The following ETNK1 variants were observed in gnomAD, a reference collection of about 807,000 sequenced individuals.
The protein encoded by ETNK1 is ethanolamine kinase 1, also known as putative protein product of Nbla10396.
Under a neutral mutation model 45.1 loss-of-function variants are expected in ETNK1, and 8 were observed. That is an observed-to-expected ratio of 0.18 (90% confidence interval 0.10 to 0.32). ETNK1 has a LOEUF of 0.32. Ranked by LOEUF, ETNK1 falls within the 10% of genes least tolerant of loss-of-function variation. ETNK1 has a pLI of 1.00. For synonymous variants in ETNK1, 152 were observed against 151.9 expected (o/e 1.00, Z -0.01); for missense variants, 302 against 430.6 (o/e 0.70, Z 2.64).
chr12:22,687,020 C>T lies in ETNK1; in HGVS notation c.*2066C>T, dbSNP rs940393100. On this transcript the variant is annotated 3_prime_UTR_variant, in exon 8 of 8. Transcript: ENST00000266517. ...ACTGAGCCATTGCTGATAGACTGTGCATAGCTACTAGCTGTCACACTATTG... is the reference window on the plus strand; with the variant it reads ...ACTGAGCCATTGCTGATAGACTGTGTATAGCTACTAGCTGTCACACTATTG... The T allele has an allele frequency of 6.6e-6, 1 of 151,614 alleles. No homozygotes were observed. Among genetic ancestry groups the T allele is most frequent in the Non-Finnish European group, 1.5e-5 (1 of 67,712 alleles). The allele number at this position is 151,614 out of a possible 1,614,324, so 9.4% of individuals were successfully genotyped here. A position where few individuals can be genotyped will look rare whatever the true frequency, so the allele number is the denominator to read the frequency against.
chr12:22,645,913 A>G (rs952739136), intron 2 of ETNK1, among the ~76,000 whole-genome samples: 4 of 151,822 alleles, frequency 2.6e-5, no homozygotes. Flanking sequence ...TAATGTAGGC[A>G]TATACACATT....
rs149472730 is a variant in ETNK1, at chr12:22,633,547, A to G, written c.156+7961A>G. Among the ~76,000 whole-genome samples, 350 of 152,348 alleles carry G rather than the reference A, an allele frequency of 2.3e-3. 1 individual carries two copies. Among genetic ancestry groups the G allele is most frequent in the Non-Finnish European group, 4.1e-3 (281 of 68,034 alleles). On this transcript the variant is annotated intron_variant, in intron 1 of 7. Transcript: ENST00000266517. ...ACTATTCTTGACTTTTTAAGTTGCC[A>G]TATAAGTTGTAGACTCAATTTTGGG...
Position 22,675,036 on chromosome 12 carries a change from C to A in ETNK1, c.945+1376C>A, listed in dbSNP as rs1348458545. Among the ~76,000 whole-genome samples, 3 of 152,116 alleles carry A rather than the reference C, an allele frequency of 2.0e-5. No homozygotes were observed. In the East Asian group the frequency reaches 5.8e-4, roughly 29 times the overall value. On this transcript the variant is annotated intron_variant, in intron 6 of 7. Coordinates refer to ENST00000266517, the MANE Select transcript of ETNK1 (RefSeq NM_018638.5). ...TCTTTTGGTGGTAAAAGTTAACACT[C>A]ATTTCTTTTGAAATTGATTTTATTT... is the stretch of plus-strand genomic sequence containing the variant.
At chr12:22,638,057 A>AT (rs943877358) in intron 1 of ETNK1, among the ~76,000 whole-genome samples, 2 of 152,120 alleles carry the variant, frequency 1.3e-5, no homozygotes, top group African/African-American at 4.8e-5. Context: ...ATTACAAAAA[A>AT]AAAGCATATG....
At chr12:22,679,266 G>A (rs1477913233) in intron 6 of ETNK1, among the ~76,000 whole-genome samples, 3 of 152,182 alleles carry the variant, frequency 2.0e-5, no homozygotes, top group African/African-American at 7.2e-5. Flanking sequence ...CAAACCACTG[G>A]CGTTTAAGTC....
At chr12:22,639,476 A>C (rs1953705251) in intron 1 of ETNK1, among the ~76,000 whole-genome samples, 1 of 152,204 alleles carries the variant, frequency 6.6e-6, no homozygotes, top group South Asian at 2.1e-4. Context: ...CAGGAGCTCT[A>C]GACCAGCCTG....
chr12:22,652,840 A>C (rs900999164), intron 2 of ETNK1, among the ~76,000 whole-genome samples: 1 of 151,908 alleles, frequency 6.6e-6, no homozygotes, highest in African/African-American at 2.4e-5. Context: ...TTTAATTTTG[A>C]TGCGGTAGAG....
intron 1 of ETNK1, among the ~76,000 whole-genome samples, chr12:22,631,331 C>A (rs368380441): frequency 6.6e-6 from 1 of 151,810 alleles, no homozygotes; most frequent in Non-Finnish European, 1.5e-5. Context: ...CCTGCCACCA[C>A]GCCTGGCTAA....
intron 2 of ETNK1, among the ~76,000 whole-genome samples, chr12:22,651,682 C>CTTT (rs35611431): frequency 1.6e-4 from 21 of 131,046 alleles, no homozygotes; most frequent in South Asian, 4.9e-4. Context: ...AATTCTATCC[C>CTTT]TTTTTTTTTT....
At chr12:22,668,516 GA>G (rs954710990) in intron 4 of ETNK1, among the ~76,000 whole-genome samples, 1 of 152,094 alleles carries the variant, frequency 6.6e-6, no homozygotes, top group African/African-American at 2.4e-5. Flanking sequence ...AGTTAATGCA[GA>G]TTTTTTTTTT....
chr12:22,648,465 T>C (rs1356722367), intron 2 of ETNK1, among the ~76,000 whole-genome samples: 1 of 152,030 alleles, frequency 6.6e-6, no homozygotes, highest in African/African-American at 2.4e-5. Flanking sequence ...TTTGGAGTCA[T>C]TTAATTAAGT....
chr12:22,649,091 G>C (rs1953842674), intron 2 of ETNK1, among the ~76,000 whole-genome samples: 1 of 152,018 alleles, frequency 6.6e-6, no homozygotes. Context: ...AATTTTAAGA[G>C]CTATTTGTGT....
chr12:22,625,876 C>G (rs1450606472), intron 1 of ETNK1: 1 of 656,834 alleles, frequency 1.5e-6, no homozygotes, highest in South Asian at 1.5e-5. Flanking sequence ...GTTGCCCCTC[C>G]TCCCACTCCC....
At chr12:22,661,024 A>G in intron 3 of ETNK1, 39 bp from the exon 4 acceptor site, 1 of 1,566,854 alleles carries the variant, frequency 6.4e-7, no homozygotes, top group Non-Finnish European at 8.6e-7. Context: ...CTTGAAAAAA[A>G]TGTCACACAA....
chr12:22,633,982 C>CTT (rs1394544213), intron 1 of ETNK1, among the ~76,000 whole-genome samples: 1 of 152,006 alleles, frequency 6.6e-6, no homozygotes, highest in Non-Finnish European at 1.5e-5. Flanking sequence ...CTCTAACACA[C>CTT]TTGAAAAAGA....
chr12:22,632,365 T>G (rs111380421), intron 1 of ETNK1, among the ~76,000 whole-genome samples: 4 of 152,230 alleles, frequency 2.6e-5, no homozygotes, highest in African/African-American at 9.6e-5. Context: ...ACGTATAATT[T>G]TATATTCTTT....
At chr12:22,666,757 A>T (rs1350126865) in intron 4 of ETNK1, among the ~76,000 whole-genome samples, 1 of 152,170 alleles carries the variant, frequency 6.6e-6, no homozygotes, top group African/African-American at 2.4e-5. Flanking sequence ...TTTTTCTGGG[A>T]ATTAAAGAGT....
At chr12:22,644,835 C>A (rs924076433) in intron 2 of ETNK1, among the ~76,000 whole-genome samples, 13 of 151,860 alleles carry the variant, frequency 8.6e-5, no homozygotes, top group Admixed American at 8.6e-4. Context: ...AGGTAAATAA[C>A]GTCTTGTGAA....
intron 4 of ETNK1, among the ~76,000 whole-genome samples, chr12:22,663,623 T>G (rs563644671): frequency 8.5e-5 from 13 of 152,304 alleles, no homozygotes; most frequent in African/African-American, 3.1e-4. Context: ...AAATCTTTAT[T>G]CAGTTTGGCT....
Sources: gnomAD v4.1 joint callset for allele counts (sites outside exome capture counted in the v4.1 genomes callset) on GRCh38, gnomAD v4.1.1 for gene constraint, MANE v1.5 for transcripts, NCBI Gene and HGNC (gene_info 2026-07-23, HGNC 2026-07-21) for gene names.